Variants in KHDRBS2 observed in about 807,000 individuals in gnomAD.
KHDRBS2 encodes KH RNA binding domain containing, signal transduction associated 2.
In KHDRBS2, 26 loss-of-function variants were observed where a neutral mutation model predicts 44.3. That is an observed-to-expected ratio of 0.59 (90% CI 0.43 to 0.81). KHDRBS2 has a LOEUF of 0.81. KHDRBS2 is among the 40% of genes least tolerant of loss of function. The pLI, the probability that KHDRBS2 is intolerant of heterozygous loss-of-function variation, is 0.00. For synonymous variants in KHDRBS2, 194 were observed against 151.1 expected, an observed-to-expected ratio of 1.28 and a Z score of -2.08; for missense variants, 476 against 433.1, an observed-to-expected ratio of 1.10 and a Z score of -0.88.
chr6:62,117,231 T>C (rs1806479422), intron 2 of KHDRBS2, among the ~76,000 whole-genome samples: 1 of 152,072 alleles, frequency 6.6e-6, no homozygotes. Context: ...GTACTACCAG[T>C]CTTTTCATTT....
At chr6:61,666,162 A>G in the KHDRBS2 span, among the ~76,000 whole-genome samples, 2 of 151,448 alleles carry the variant, frequency 1.3e-5, no homozygotes, top group Non-Finnish European at 3.0e-5. Flanking sequence ...GCAACAAAAT[A>G]AATCCTACTT....
chr6:62,071,165 T>A (rs1010644027), intron 2 of KHDRBS2, among the ~76,000 whole-genome samples: 6 of 152,312 alleles, frequency 3.9e-5, no homozygotes, highest in Non-Finnish European at 8.8e-5. Context: ...TTCATGTCCT[T>A]CGCCCACTTG....
intron 6 of KHDRBS2, among the ~76,000 whole-genome samples, chr6:61,872,833 C>T (rs1798860300): frequency 6.6e-6 from 1 of 152,026 alleles, no homozygotes; most frequent in African/African-American, 2.4e-5. Context: ...GTTATATTGG[C>T]TTATAGAAAG....
chr6:61,757,523 C>A (rs1778668868), intron 6 of KHDRBS2, among the ~76,000 whole-genome samples: 1 of 152,088 alleles, frequency 6.6e-6, no homozygotes, highest in East Asian at 1.9e-4. Flanking sequence ...TAAAATTATT[C>A]AAAGTGACAA....
chr6:62,190,957 T>C lies in KHDRBS2; in HGVS notation c.92-13645A>G, dbSNP rs562648145. On this transcript the variant is annotated intron_variant, in intron 1 of 8. Transcript: ENST00000281156. ...CACTTTCCCATCATTCTCACCTGAA[T>C]AGGCAGGACCCCTTCAACCAGTTTC... is the stretch of plus-strand genomic sequence containing the variant. Among the ~76,000 whole-genome samples the C allele has an allele frequency of 4.6e-5, 7 of 152,220 alleles. 1 individual carries two copies. The South Asian group carries it at 1.2e-3, about 27-fold the overall frequency.
Position 61,832,498 on chromosome 6 carries a change from C to G in KHDRBS2, c.810+62137G>C, listed in dbSNP as rs1791984698. Reference sequence around the variant, plus strand: ...CATCAGGAAATTTGAATTCAGCTGCCATTTCTGCCTTGGGAAAGTGCTGGC... The same window carrying G: ...CATCAGGAAATTTGAATTCAGCTGCGATTTCTGCCTTGGGAAAGTGCTGGC... On this transcript the variant is annotated intron_variant, in intron 6 of 8. Transcript: ENST00000281156. Among the ~76,000 whole-genome samples, 4 of 152,022 alleles carry G rather than the reference C, an allele frequency of 2.6e-5. No homozygotes were observed. The South Asian group carries it at 8.3e-4, about 32-fold the overall frequency.
the KHDRBS2 span, among the ~76,000 whole-genome samples, chr6:61,545,501 CTGTGTGTG>C: frequency 9.4e-5 from 14 of 148,444 alleles, no homozygotes; most frequent in South Asian, 4.3e-4. Flanking sequence ...TAGCTAATCT[CTGTGTGTG>C]TGTGTGTGTG....
rs1201006420 is a variant in KHDRBS2 at position 61,954,967 on chromosome 6, C to CACATACATATGTGT, written c.483+23098_483+23099insACACATATGTATGT. Reference sequence around the variant, plus strand: ...GTGTATACATATATATGTATATATACGCATACATATGTATGTGTATACATA... The same window carrying CACATACATATGTGT: ...GTGTATACATATATATGTATATATACACATACATATGTGTGCATACATATGTATGTGTATACATA... On this transcript the variant is annotated intron_variant, in intron 4 of 8. Coordinates refer to ENST00000281156, the MANE Select transcript of KHDRBS2 (RefSeq NM_152688.4). Among the ~76,000 whole-genome samples the CACATACATATGTGT allele has an allele frequency of 3.8e-4, 49 of 129,958 alleles. No individual in the cohort carries two copies. In the South Asian group the frequency reaches 9.0e-3, roughly 24 times the overall value. The allele number at this position is 129,958 out of a possible 152,430, so 85.3% of individuals were successfully genotyped here.
intron 7 of KHDRBS2, among the ~76,000 whole-genome samples, chr6:61,731,497 T>G (rs1168741497): frequency 1.3e-5 from 2 of 152,090 alleles, no homozygotes; most frequent in Non-Finnish European, 2.9e-5. Context: ...AAAATTTATC[T>G]TCAATACTTT....
the KHDRBS2 span, among the ~76,000 whole-genome samples, chr6:61,660,357 T>C: frequency 2.6e-5 from 4 of 151,806 alleles, no homozygotes; most frequent in Non-Finnish European, 5.9e-5. Flanking sequence ...ATAGTATCCA[T>C]AACTGTTCTC....
At chr6:62,155,891 T>C (rs1029610783) in intron 2 of KHDRBS2, among the ~76,000 whole-genome samples, 3 of 152,226 alleles carry the variant, frequency 2.0e-5, no homozygotes, top group African/African-American at 7.2e-5. Context: ...GATTGGAGTG[T>C]TCTGTCCTGC....
At chr6:61,670,128 A>G in the KHDRBS2 span, among the ~76,000 whole-genome samples, 1 of 151,394 alleles carries the variant, frequency 6.6e-6, no homozygotes, top group Non-Finnish European at 1.5e-5. Flanking sequence ...TTTACTTTAC[A>G]TACTATTTTT....
chr6:61,967,056 A>G (rs934622340), intron 4 of KHDRBS2, among the ~76,000 whole-genome samples: 68 of 152,072 alleles, frequency 4.5e-4, no homozygotes, highest in African/African-American at 1.6e-3. Context: ...ATAAATTTAA[A>G]AAAATAGAAT....
chr6:62,112,244 T>C (rs566168701), intron 2 of KHDRBS2, among the ~76,000 whole-genome samples: 2 of 152,284 alleles, frequency 1.3e-5, no homozygotes, highest in East Asian at 3.9e-4. Context: ...AGTTGACATT[T>C]ATACTTGCAA....
chr6:61,956,637 A>C (rs1767391070), intron 4 of KHDRBS2, among the ~76,000 whole-genome samples: 1 of 152,036 alleles, frequency 6.6e-6, no homozygotes, highest in South Asian at 2.1e-4. Flanking sequence ...TAATCAGTCT[A>C]GTGTTTAAAA....
intron 1 of KHDRBS2, among the ~76,000 whole-genome samples, chr6:62,247,016 T>C (rs1275493121): frequency 1.3e-5 from 2 of 152,008 alleles, no homozygotes; most frequent in African/African-American, 4.8e-5. Flanking sequence ...TTGTTCAATT[T>C]CCAAACATAT....
At chr6:61,771,386 A>T (rs976255113) in intron 6 of KHDRBS2, among the ~76,000 whole-genome samples, 2 of 152,184 alleles carry the variant, frequency 1.3e-5, no homozygotes, top group Non-Finnish European at 2.9e-5. Context: ...AAAGACACAG[A>T]CTGGCAAATT....
At chr6:61,995,128 C>G (rs570217716) in intron 3 of KHDRBS2, among the ~76,000 whole-genome samples, 1 of 152,008 alleles carries the variant, frequency 6.6e-6, no homozygotes, top group African/African-American at 2.4e-5. Flanking sequence ...CTACAAAGCA[C>G]TATATTATGT....
chr6:62,243,473 C>T (rs1324823696), intron 1 of KHDRBS2, among the ~76,000 whole-genome samples: 1 of 151,874 alleles, frequency 6.6e-6, no homozygotes, highest in Non-Finnish European at 1.5e-5. Flanking sequence ...GGCTTGTAAG[C>T]CAATTACAGA....
Sources: allele counts gnomAD v4.1 joint callset (sites outside exome capture counted in the v4.1 genomes callset), GRCh38; gene constraint gnomAD v4.1.1; transcripts MANE v1.5; gene names NCBI Gene and HGNC (gene_info 2026-07-23, HGNC 2026-07-21).